Variants in ENOX1 observed in about 807,000 individuals in gnomAD.
The protein encoded by ENOX1 is ecto-NOX disulfide-thiol exchanger 1.
A neutral mutation model predicts 82.5 loss-of-function variants in ENOX1; 42 were observed. The observed-to-expected ratio is 0.51, with a 90% CI of 0.40 to 0.66. The LOEUF is 0.66. Among genes scored for constraint, ENOX1 ranks in the 30% least tolerant of loss-of-function variants. The pLI, the probability that ENOX1 is intolerant of heterozygous loss-of-function variation, is 0.00. For synonymous variants in ENOX1, 271 were observed against 282.2 expected (o/e 0.96, Z 0.40); for missense variants, 608 against 811.6 (o/e 0.75, Z 3.05).
At chr13:43,652,716 T>C (rs879743271) in intron 2 of ENOX1, among the ~76,000 whole-genome samples, 1 of 152,166 alleles carries the variant, frequency 6.6e-6, no homozygotes, top group Non-Finnish European at 1.5e-5. Flanking sequence ...AGTTTCACAG[T>C]GCAAGATGAC....
chr13:43,439,389 A>C (rs979136213), intron 3 of ENOX1, among the ~76,000 whole-genome samples: 1 of 151,944 alleles, frequency 6.6e-6, no homozygotes, highest in African/African-American at 2.4e-5. Flanking sequence ...TTTAATAGAG[A>C]CAGGGTTTCA....
intron 14 of ENOX1, among the ~76,000 whole-genome samples, chr13:43,254,504 T>G (rs1243821713): frequency 1.3e-5 from 2 of 152,220 alleles, no homozygotes; most frequent in South Asian, 4.1e-4. Context: ...CCTCTGTTCC[T>G]AAATTCCAAT....
chr13:43,564,195 G>A (rs2079815704), intron 2 of ENOX1, among the ~76,000 whole-genome samples: 1 of 152,052 alleles, frequency 6.6e-6, no homozygotes, highest in African/African-American at 2.4e-5. Flanking sequence ...TGAAATTGAA[G>A]AGGTCTCAAA....
chr13:43,352,444 C>T (rs781454462), intron 8 of ENOX1, among the ~76,000 whole-genome samples: 4 of 152,234 alleles, frequency 2.6e-5, no homozygotes, highest in Non-Finnish European at 5.9e-5. Flanking sequence ...AGTCCAAACA[C>T]AGGGTTCCTC....
chr13:43,586,916 A>G (rs1209228043), intron 2 of ENOX1, among the ~76,000 whole-genome samples: 1 of 151,974 alleles, frequency 6.6e-6, no homozygotes, highest in East Asian at 1.9e-4. Context: ...TACAAAAAAA[A>G]AAAAAAATTT....
chr13:43,443,209 C>G (rs571616480), intron 3 of ENOX1, among the ~76,000 whole-genome samples: 1 of 152,188 alleles, frequency 6.6e-6, no homozygotes, highest in South Asian at 2.1e-4. Flanking sequence ...TCGTATATAG[C>G]AAAGAGAATC....
At chr13:43,220,713 A>G (rs1234747892) in intron 16 of ENOX1, among the ~76,000 whole-genome samples, 2 of 152,118 alleles carry the variant, frequency 1.3e-5, no homozygotes, top group Non-Finnish European at 1.5e-5. Context: ...CTCTGCTGTC[A>G]TATGCTTTCC....
chr13:43,356,006 C>G lies in ENOX1; in HGVS notation c.736G>C (p.Glu246Gln). 1.2e-6 allele frequency: 2 copies of G among 1,614,068 alleles called. No individual in the cohort carries two copies. The highest frequency in any genetic ancestry group is 1.7e-6 in the Non-Finnish European group (2 of 1,180,040). Residue 246 changes from glutamate to glutamine, a missense_variant, in exon 8 of 17, where the codon GAG (glutamate) becomes CAG (glutamine). Transcript: ENST00000690772. ...AREERHRRKL[E>Q]EDRLRPPSPP... Reference sequence around the variant, plus strand: ...GATGGGGGCCTGAGCCGGTCCTCCTCCAGCTTGCGCCGGTGCCGCTCCTCC... The same window carrying G: ...GATGGGGGCCTGAGCCGGTCCTCCTGCAGCTTGCGCCGGTGCCGCTCCTCC...
At position 43,777,709 on chromosome 13, in the gene ENOX1, AT is replaced by A. The variant is rs34778933; in HGVS notation, c.-285+8942del. Among the ~76,000 whole-genome samples, 579 of 144,892 alleles carry A rather than the reference AT, an allele frequency of 4.0e-3. 2 individuals are homozygous for A. The highest frequency in any genetic ancestry group is 0.01 in the African/African-American group (406 of 39,888). On this transcript the variant is annotated intron_variant, in intron 1 of 16. Transcript: ENST00000690772. ...AGGCGCCCACCACTATGCCTGGCTA[AT>A]TTTTTTTTTTTGTATTTTTAGTAGA...
At chr13:43,574,524 A>G (rs1401633413) in intron 2 of ENOX1, among the ~76,000 whole-genome samples, 1 of 152,236 alleles carries the variant, frequency 6.6e-6, no homozygotes, top group African/African-American at 2.4e-5. Context: ...CTTAGAGGAC[A>G]TTAATGGAAA....
At chr13:43,740,027 G>A (rs1278164139) in intron 1 of ENOX1, among the ~76,000 whole-genome samples, 3 of 152,092 alleles carry the variant, frequency 2.0e-5, no homozygotes, top group African/African-American at 7.2e-5. Context: ...AATTTTGGGG[G>A]AGTCAAAAGT....
intron 2 of ENOX1, among the ~76,000 whole-genome samples, chr13:43,486,194 A>T (rs1157884996): frequency 6.6e-6 from 1 of 152,166 alleles, no homozygotes; most frequent in Non-Finnish European, 1.5e-5. Flanking sequence ...TGGGTGACAG[A>T]GCGAGACTTC....
At chr13:43,554,828 C>T (rs1186233028) in intron 2 of ENOX1, among the ~76,000 whole-genome samples, 1 of 152,180 alleles carries the variant, frequency 6.6e-6, no homozygotes, top group Non-Finnish European at 1.5e-5. Context: ...AATCCATCTG[C>T]TTCAGCCTCT....
intron 2 of ENOX1, among the ~76,000 whole-genome samples, chr13:43,528,137 C>G (rs1018998199): frequency 6.6e-6 from 1 of 152,084 alleles, no homozygotes; most frequent in Non-Finnish European, 1.5e-5. Flanking sequence ...TAAAAGTAGA[C>G]AAGGCTTAAT....
At chr13:43,619,985 G>A (rs2082653381) in intron 2 of ENOX1, among the ~76,000 whole-genome samples, 1 of 152,058 alleles carries the variant, frequency 6.6e-6, no homozygotes. Context: ...AGCTAGGAGG[G>A]TTGTATTTTT....
intron 12 of ENOX1, among the ~76,000 whole-genome samples, chr13:43,276,706 A>C (rs188478900): frequency 1.5e-3 from 225 of 152,356 alleles, no homozygotes; most frequent in African/African-American, 5.1e-3. Context: ...CATTATCACA[A>C]CCTAAGAGCA....
intron 3 of ENOX1, among the ~76,000 whole-genome samples, chr13:43,471,606 C>T (rs909532644): frequency 2.6e-5 from 4 of 151,838 alleles, no homozygotes; most frequent in Non-Finnish European, 5.9e-5. Flanking sequence ...GTCAGGAGAT[C>T]GAGACCATTC....
At chr13:43,596,945 G>C (rs1311470988) in intron 2 of ENOX1, among the ~76,000 whole-genome samples, 1 of 152,144 alleles carries the variant, frequency 6.6e-6, no homozygotes, top group Non-Finnish European at 1.5e-5. Context: ...CGGCTCTAAA[G>C]AACTACCTGA....
intron 12 of ENOX1, among the ~76,000 whole-genome samples, chr13:43,283,983 TTA>T (rs2045551176): frequency 6.6e-6 from 1 of 152,144 alleles, no homozygotes; most frequent in Non-Finnish European, 1.5e-5. Context: ...AAAATTTATT[TTA>T]GTTATTTTTG....
Sources: allele counts gnomAD v4.1 joint callset (sites outside exome capture counted in the v4.1 genomes callset), GRCh38; gene constraint gnomAD v4.1.1; transcripts MANE v1.5; gene names NCBI Gene and HGNC (gene_info 2026-07-23, HGNC 2026-07-21).